ST7: variants seen among roughly 807,000 people sequenced by gnomAD.
ST7 encodes suppressor of tumorigenicity 7 protein.
In ST7, 28 loss-of-function variants were observed where a neutral mutation model predicts 78.7. The ratio of observed to expected loss-of-function variants is 0.36; its 90% CI spans 0.26 to 0.49. The LOEUF (loss-of-function observed/expected upper bound fraction) is 0.49. ST7 is among the 20% of genes least tolerant of loss of function. The pLI is 0.99. For synonymous variants in ST7, 247 were observed against 249.6 expected (o/e 0.99, Z 0.10); for missense variants, 418 against 696.0 (o/e 0.60, Z 4.49).
intron 13 of ST7, among the ~76,000 whole-genome samples, chr7:117,212,906 A>G (rs1242499062): frequency 6.6e-6 from 1 of 152,242 alleles, no homozygotes; most frequent in Non-Finnish European, 1.5e-5. Flanking sequence ...GTCTTTTGAC[A>G]TCGCTTCTGG....
intron 10 of ST7, among the ~76,000 whole-genome samples, chr7:117,180,975 G>A (rs1167020865): frequency 6.6e-6 from 1 of 152,068 alleles, no homozygotes; most frequent in African/African-American, 2.4e-5. Context: ...TTTTAATTCA[G>A]AGGAAAGATA....
At chr7:116,965,821 G>T (rs1793082952) in intron 1 of ST7, 1 of 168,190 alleles carries the variant, frequency 5.9e-6, no homozygotes, top group Non-Finnish European at 1.4e-5. Flanking sequence ...TAAATTCAAA[G>T]TTTGCATGAA....
chr7:116,973,400 CAT>C (rs889263177), intron 1 of ST7, among the ~76,000 whole-genome samples: 49 of 152,228 alleles, frequency 3.2e-4, no homozygotes, highest in African/African-American at 1.1e-3. Flanking sequence ...TGGGACTACA[CAT>C]GTGTGCCACC....
At chr7:117,111,849 C>T (rs544396794) in intron 2 of ST7, among the ~76,000 whole-genome samples, 24 of 151,138 alleles carry the variant, frequency 1.6e-4, no homozygotes, top group Non-Finnish European at 2.1e-4. Context: ...GATTTTGCTT[C>T]GCTTTTGAGA....
intron 1 of ST7, among the ~76,000 whole-genome samples, chr7:116,976,894 G>T (rs1793732118): frequency 6.6e-6 from 1 of 152,154 alleles, no homozygotes; most frequent in Non-Finnish European, 1.5e-5. Flanking sequence ...AGTGTTAAAT[G>T]ACATTGTTAT....
chr7:117,045,512 G>T (rs1227946993), intron 1 of ST7, among the ~76,000 whole-genome samples: 1 of 152,040 alleles, frequency 6.6e-6, no homozygotes, highest in African/African-American at 2.4e-5. Context: ...TGAGCAAACG[G>T]TATCTTCTCA....
intron 2 of ST7, among the ~76,000 whole-genome samples, chr7:117,108,540 T>C (rs1244812464): frequency 6.6e-6 from 1 of 152,216 alleles, no homozygotes; most frequent in African/African-American, 2.4e-5. Flanking sequence ...TCCAGATTTG[T>C]TCTTTTTGCT....
chr7:117,005,106 A>G (rs1795102196), intron 1 of ST7, among the ~76,000 whole-genome samples: 1 of 152,168 alleles, frequency 6.6e-6, no homozygotes, highest in African/African-American at 2.4e-5. Context: ...TTTTTTTTAA[A>G]GAAAGATATA....
At chr7:117,099,294 A>G (rs1356774542) in intron 1 of ST7, among the ~76,000 whole-genome samples, 1 of 152,042 alleles carries the variant, frequency 6.6e-6, no homozygotes, top group Non-Finnish European at 1.5e-5. Context: ...TAACCATAGT[A>G]TAATAATCTT....
intron 1 of ST7, among the ~76,000 whole-genome samples, chr7:117,089,303 C>T (rs1800402879): frequency 6.6e-6 from 1 of 152,194 alleles, no homozygotes; most frequent in Admixed American, 6.5e-5. Context: ...TACCTGGCCA[C>T]ACGTTGAATA....
At chr7:117,201,543 T>C (rs1003865074) in intron 12 of ST7, among the ~76,000 whole-genome samples, 1 of 149,302 alleles carries the variant, frequency 6.7e-6, no homozygotes, top group Non-Finnish European at 1.5e-5. Context: ...CTGCTTTTTA[T>C]GTTTTTTTTG....
chr7:117,039,738 A>G (rs1225059436), intron 1 of ST7, among the ~76,000 whole-genome samples: 1 of 152,166 alleles, frequency 6.6e-6, no homozygotes, highest in African/African-American at 2.4e-5. Flanking sequence ...CTGAAAACAA[A>G]TCCCTCCTCT....
chr7:116,956,380 G>C (rs988057969), intron 1 of ST7: 1 of 431,836 alleles, frequency 2.3e-6, no homozygotes, highest in Admixed American at 2.6e-5. Context: ...CTTGCAGGGA[G>C]GTCTAAAAGA....
intron 1 of ST7, among the ~76,000 whole-genome samples, chr7:117,017,799 G>C (rs937112184): frequency 6.6e-6 from 1 of 152,104 alleles, no homozygotes; most frequent in Non-Finnish European, 1.5e-5. Flanking sequence ...GTCAAAGATG[G>C]GTCTTCAACA....
rs560331434 is a variant in ST7, at chr7:117,102,185, A to G, written c.234+2341A>G. ...TCTTCTGAAATGATGGTGATAGTGT[A>G]TGGTAGTGTTATTTTACTATTATTA... On this transcript the variant is annotated intron_variant, in intron 2 of 15. Coordinates refer to ENST00000323984, the MANE Select transcript of ST7 (RefSeq NM_001369598.1). 2.0e-5 allele frequency among the ~76,000 whole-genome samples: 3 copies of G among 152,276 alleles called. No individual in the cohort carries two copies. The East Asian group carries it at 5.8e-4, about 29-fold the overall frequency.
chr7:116,995,627 G>C (rs1007788909), intron 1 of ST7, among the ~76,000 whole-genome samples: 1 of 152,174 alleles, frequency 6.6e-6, no homozygotes, highest in Non-Finnish European at 1.5e-5. Flanking sequence ...TAGTTTGACT[G>C]TGCTTGCCCC....
intron 1 of ST7, among the ~76,000 whole-genome samples, chr7:117,047,382 A>G (rs1422499221): frequency 6.6e-6 from 1 of 152,226 alleles, no homozygotes; most frequent in Middle Eastern, 3.2e-3. Flanking sequence ...TTTGTTGTTC[A>G]TGAGATGGAT....
At chr7:117,135,504 C>G (rs971616111) in intron 7 of ST7, among the ~76,000 whole-genome samples, 3 of 152,020 alleles carry the variant, frequency 2.0e-5, no homozygotes, top group Non-Finnish European at 2.9e-5. Context: ...TGTTGAAGCA[C>G]TGTGTTTTTT....
chr7:117,059,807 CAAAAAAAAAAA>C (rs35792944), intron 1 of ST7, among the ~76,000 whole-genome samples: 5 of 32,000 alleles, frequency 1.6e-4, no homozygotes, highest in East Asian at 9.3e-4. Context: ...TTCATCTCTG[CAAAAAAAAAAA>C]AAAAAAAAAA....
Sources: allele counts gnomAD v4.1 joint callset (sites outside exome capture counted in the v4.1 genomes callset), GRCh38; gene constraint gnomAD v4.1.1; transcripts MANE v1.5; gene names NCBI Gene and HGNC (gene_info 2026-07-23, HGNC 2026-07-21).